NRG3: variants seen among roughly 807,000 people sequenced by gnomAD.
The protein encoded by NRG3 is pro-neuregulin-3, membrane-bound isoform.
NRG3 carries 31 observed loss-of-function variants against 66.9 expected under a neutral mutation model. The ratio of observed to expected loss-of-function variants is 0.46; its 90% CI spans 0.35 to 0.63. The LOEUF is 0.63. Among genes scored for constraint, NRG3 ranks in the 20% least tolerant of loss-of-function variants. The pLI is 0.00. For synonymous variants in NRG3, 393 were observed against 359.4 expected (o/e 1.09, Z -1.06); for missense variants, 910 against 878.9 (o/e 1.04, Z -0.45).
chr10:82,526,285 A>G (rs1846687012), intron 2 of NRG3, among the ~76,000 whole-genome samples: 1 of 151,834 alleles, frequency 6.6e-6, no homozygotes. Flanking sequence ...TATTTTAAAA[A>G]TTAATGAAAA....
chr10:82,400,074 T>C (rs2086975954), intron 2 of NRG3, among the ~76,000 whole-genome samples: 1 of 152,178 alleles, frequency 6.6e-6, no homozygotes, highest in South Asian at 2.1e-4. Context: ...CGTTTACAGA[T>C]ATTAAATAAT....
At chr10:82,144,300 A>G (rs1221303815) in intron 1 of NRG3, among the ~76,000 whole-genome samples, 1 of 152,136 alleles carries the variant, frequency 6.6e-6, no homozygotes, top group East Asian at 1.9e-4. Context: ...GACCACATCT[A>G]TCTTATATTA....
rs561537432 is a variant in NRG3 at position 82,239,402 on chromosome 10, C to T, written c.824-119337C>T. 3.3e-5 allele frequency among the ~76,000 whole-genome samples: 5 copies of T among 152,214 alleles called. No individual in the cohort carries two copies. The South Asian group carries it at 6.2e-4, about 19-fold the overall frequency. Reference sequence around the variant, plus strand: ...AATTCCTGACCTCAGATGATCCGGCCGCCTTGGTCTCCCAAAGTGCTGGGA... The same window carrying T: ...AATTCCTGACCTCAGATGATCCGGCTGCCTTGGTCTCCCAAAGTGCTGGGA... On this transcript the variant is annotated intron_variant, in intron 1 of 8. Transcript: ENST00000372141.
chr10:82,251,971 A>G (rs1158407915), intron 1 of NRG3, among the ~76,000 whole-genome samples: 1 of 152,018 alleles, frequency 6.6e-6, no homozygotes, highest in Non-Finnish European at 1.5e-5. Context: ...CACACTGCCC[A>G]TCAGGGGCTT....
At chr10:82,654,998 A>G (rs2051727042) in intron 2 of NRG3, among the ~76,000 whole-genome samples, 1 of 151,984 alleles carries the variant, frequency 6.6e-6, no homozygotes, top group Admixed American at 6.6e-5. Flanking sequence ...CTAAATCAGT[A>G]GTACACAGTT....
intron 2 of NRG3, among the ~76,000 whole-genome samples, chr10:82,577,788 C>G (rs2046116493): frequency 6.6e-6 from 1 of 151,774 alleles, no homozygotes; most frequent in Non-Finnish European, 1.5e-5. Flanking sequence ...GATAAATATA[C>G]AGTCCCTCAT....
intron 4 of NRG3, among the ~76,000 whole-genome samples, chr10:82,948,064 A>G (rs1320537302): frequency 1.3e-5 from 2 of 151,982 alleles, no homozygotes; most frequent in African/African-American, 4.8e-5. Context: ...ATTTACATCT[A>G]TCATCCTTTT....
At chr10:82,267,262 C>A (rs1221818374) in intron 1 of NRG3, among the ~76,000 whole-genome samples, 3 of 152,128 alleles carry the variant, frequency 2.0e-5, no homozygotes, top group Non-Finnish European at 4.4e-5. Flanking sequence ...TACACGCATA[C>A]ACAAAACTGT....
chr10:82,176,863 C>T (rs557914258), intron 1 of NRG3, among the ~76,000 whole-genome samples: 6 of 135,822 alleles, frequency 4.4e-5, no homozygotes, highest in African/African-American at 1.6e-4. Context: ...AACACAAAGC[C>T]TCGATTTTTA....
intron 4 of NRG3, among the ~76,000 whole-genome samples, chr10:82,941,906 C>T: frequency 6.6e-6 from 1 of 151,972 alleles, no homozygotes; most frequent in East Asian, 1.9e-4. Flanking sequence ...CATTTTGATA[C>T]CTAGTGGCAA....
At chr10:81,973,137 C>T (rs1373233572) in intron 1 of NRG3, among the ~76,000 whole-genome samples, 1 of 152,016 alleles carries the variant, frequency 6.6e-6, no homozygotes, top group Non-Finnish European at 1.5e-5. Context: ...ATTTAGCTTC[C>T]ACATATAGGT....
At chr10:81,915,347 G>A (rs1845575955) in intron 1 of NRG3, among the ~76,000 whole-genome samples, 1 of 152,294 alleles carries the variant, frequency 6.6e-6, no homozygotes, top group Non-Finnish European at 1.5e-5. Flanking sequence ...CTGCCTTGGA[G>A]AGGCTAGATT....
At chr10:82,649,459 C>CTTTT (rs71469930) in intron 2 of NRG3, among the ~76,000 whole-genome samples, 5 of 48,794 alleles carry the variant, frequency 1.0e-4, no homozygotes, top group Non-Finnish European at 2.0e-4. Context: ...CTGGTGCAGG[C>CTTTT]TTTTTTTTTT....
intron 4 of NRG3, among the ~76,000 whole-genome samples, chr10:82,876,947 C>T (rs1440074996): frequency 6.6e-6 from 1 of 151,166 alleles, no homozygotes; most frequent in Non-Finnish European, 1.5e-5. Context: ...CTCTTGAACC[C>T]TGGAGGCAGA....
intron 4 of NRG3, among the ~76,000 whole-genome samples, chr10:82,900,512 A>G (rs971535660): frequency 1.3e-5 from 2 of 152,184 alleles, no homozygotes; most frequent in African/African-American, 4.8e-5. Context: ...GGACTTTTTA[A>G]ACTAATATAG....
intron 3 of NRG3, among the ~76,000 whole-genome samples, chr10:82,831,116 T>TAA (rs1272478619): frequency 1.3e-5 from 2 of 152,200 alleles, no homozygotes; most frequent in Non-Finnish European, 2.9e-5. Context: ...AACGTTGCTC[T>TAA]AAGACTTGAG....
intron 1 of NRG3, among the ~76,000 whole-genome samples, chr10:81,941,252 T>C (rs995181761): frequency 4.6e-5 from 7 of 152,144 alleles, no homozygotes; most frequent in Non-Finnish European, 5.9e-5. Flanking sequence ...GGAGATATTA[T>C]GCATTTTTGT....
chr10:82,791,802 T>C (rs11195974), intron 3 of NRG3, among the ~76,000 whole-genome samples: 15,009 of 152,234 alleles, frequency 0.099, 844 homozygotes, highest in Middle Eastern at 0.16. Flanking sequence ...GCTGATTGCT[T>C]CAACAAACTC....
At chr10:82,827,300 C>G (rs1012056478) in intron 3 of NRG3, 3 of 318,104 alleles carry the variant, frequency 9.4e-6, no homozygotes, top group East Asian at 9.5e-5. Context: ...ACAAAGGCAA[C>G]AGCACACAGA....
Sources: gnomAD v4.1 joint callset for allele counts (sites outside exome capture counted in the v4.1 genomes callset) on GRCh38, gnomAD v4.1.1 for gene constraint, MANE v1.5 for transcripts, NCBI Gene and HGNC (gene_info 2026-07-23, HGNC 2026-07-21) for gene names.